The following DZIP3 variants were observed in gnomAD, a reference collection of about 807,000 sequenced individuals.
DZIP3 encodes the protein E3 ubiquitin-protein ligase DZIP3.
A neutral mutation model predicts 162.0 loss-of-function variants in DZIP3; 118 were observed. That is an observed-to-expected ratio of 0.73 (90% CI 0.63 to 0.85). DZIP3 has a LOEUF of 0.85. Ranked by LOEUF, DZIP3 falls within the 40% of genes least tolerant of loss-of-function variation. The pLI, the probability that DZIP3 is intolerant of heterozygous loss-of-function variation, is 0.00. For synonymous variants in DZIP3, 438 were observed against 458.6 expected, an observed-to-expected ratio of 0.96 and a Z score of 0.57; for missense variants, 1,331 against 1,407.0, an observed-to-expected ratio of 0.95 and a Z score of 0.86.
At chr3:108,611,057 T>G (rs186485766) in intron 3 of DZIP3, 117 bp from the exon 4 acceptor site, 1 of 973,952 alleles carries the variant, frequency 1.0e-6, no homozygotes, top group Non-Finnish European at 1.5e-6. Context: ...TCATAGAAGC[T>G]AGGAGAACAA....
chr3:108,631,055 A>ACACACACATACACT lies in DZIP3; in HGVS notation c.696+1880_696+1881insACACACATACACTC. Among the ~76,000 whole-genome samples, 124 of 18,024 alleles carry ACACACACATACACT rather than the reference A, an allele frequency of 6.9e-3. 4 individuals are homozygous for ACACACACATACACT. Among genetic ancestry groups the ACACACACATACACT allele is most frequent in the Middle Eastern group, 0.062 (1 of 16 alleles). 11.8% of individuals were successfully genotyped at this position (18,024 alleles called of 152,430 possible). A position where few individuals can be genotyped will look rare whatever the true frequency, so the allele number is the denominator to read the frequency against. ...CACACACACACACACACACACACAC[A>ACACACACATACACT]CTCTCTCTCTCTCTCTCTCTCTCTC... is the stretch of plus-strand genomic sequence containing the variant. On this transcript the variant is annotated intron_variant, in intron 8 of 32. Transcript: ENST00000361582.
At chr3:108,637,852 C>T (rs1021708781) in intron 12 of DZIP3, among the ~76,000 whole-genome samples, 20 of 152,114 alleles carry the variant, frequency 1.3e-4, no homozygotes, top group Non-Finnish European at 7.4e-5. Flanking sequence ...TTCTATCTTT[C>T]AAAACTTATC....
At position 108,683,627 on chromosome 3, in the gene DZIP3, A is replaced by G. The variant is rs866384918; in HGVS notation, c.2884-589A>G. Among the ~76,000 whole-genome samples, 4 of 152,286 alleles carry G rather than the reference A, an allele frequency of 2.6e-5. No individual in the cohort carries two copies. In the South Asian group the frequency reaches 8.3e-4, roughly 32 times the overall value. The stretch of plus-strand genomic sequence containing the variant: ...CCATAACCCCCTGGGAAGTACGGTA[A>G]TACCCACAAGCATATCTGCAAATCA... On this transcript the variant is annotated intron_variant, in intron 26 of 32. Coordinates refer to ENST00000361582, the MANE Select transcript of DZIP3 (RefSeq NM_014648.4).
intron 2 of DZIP3, 31 bp downstream of exon 2, chr3:108,605,469 C>G (rs749130681): frequency 6.2e-7 from 1 of 1,608,880 alleles, no homozygotes; most frequent in Non-Finnish European, 8.5e-7. Context: ...CTTTTTGGCA[C>G]CATGGACTGG....
chr3:108,605,059 T>A (rs941105595), intron 1 of DZIP3, among the ~76,000 whole-genome samples: 4 of 152,182 alleles, frequency 2.6e-5, no homozygotes, highest in Non-Finnish European at 5.9e-5. Context: ...TAAAATAACA[T>A]GAAAGATTCT....
At chr3:108,641,750 T>G (rs1343549208) in intron 12 of DZIP3, among the ~76,000 whole-genome samples, 1 of 152,170 alleles carries the variant, frequency 6.6e-6, no homozygotes, top group Non-Finnish European at 1.5e-5. Context: ...CAACTAACAG[T>G]GTTATAGTGG....
intron 24 of DZIP3, 120 bp from the exon 25 acceptor site, chr3:108,675,666 G>A (rs1158392121): frequency 6.2e-6 from 4 of 643,786 alleles, no homozygotes; most frequent in Non-Finnish European, 1.0e-5. Context: ...GTAATTGTTG[G>A]TGATGGGGGT....
intron 18 of DZIP3, among the ~76,000 whole-genome samples, chr3:108,652,492 T>G (rs1942909149): frequency 6.6e-6 from 1 of 151,912 alleles, no homozygotes; most frequent in Admixed American, 6.6e-5. Flanking sequence ...TCAGATATGA[T>G]GGTGGTCCCA....
At chr3:108,659,046 C>T (rs1405433610) in intron 19 of DZIP3, among the ~76,000 whole-genome samples, 15 of 152,248 alleles carry the variant, frequency 9.9e-5, no homozygotes, top group African/African-American at 3.6e-4. Flanking sequence ...GATTCACAGC[C>T]GAATTCTACC....
chr3:108,601,828 A>G (rs925307456), intron 1 of DZIP3, among the ~76,000 whole-genome samples: 1 of 152,196 alleles, frequency 6.6e-6, no homozygotes, highest in Admixed American at 6.5e-5. Context: ...AAAAGTATCC[A>G]AGAACTGAAA....
chr3:108,642,590 A>G, intron 13 of DZIP3, 76 bp downstream of exon 13: 1 of 1,355,076 alleles, frequency 7.4e-7, no homozygotes, highest in Non-Finnish European at 9.8e-7. Flanking sequence ...CTTTCATGCC[A>G]TTAACAACCA....
intron 19 of DZIP3, among the ~76,000 whole-genome samples, chr3:108,656,048 T>C (rs1237667416): frequency 2.1e-4 from 32 of 152,324 alleles, no homozygotes. Context: ...TCTCTGCCTC[T>C]GTAGACTCCA....
chr3:108,617,967 G>A (rs1352232229), intron 5 of DZIP3, among the ~76,000 whole-genome samples: 2 of 152,220 alleles, frequency 1.3e-5, no homozygotes, highest in Non-Finnish European at 2.9e-5. Context: ...GTACTTGTGA[G>A]CAGAAGTGGC....
chr3:108,667,444 T>C (rs1184593055), intron 21 of DZIP3, among the ~76,000 whole-genome samples: 1 of 152,050 alleles, frequency 6.6e-6, no homozygotes, highest in African/African-American at 2.4e-5. Context: ...GACAAAATTA[T>C]AAAAATGGAA....
rs1553705360 is a variant in DZIP3 at position 108,631,055 on chromosome 3, A to ATACACTCTCT, written c.696+1879_696+1880insTACACTCTCT. On this transcript the variant is annotated intron_variant, in intron 8 of 32. Transcript: ENST00000361582. Reference sequence around the variant, plus strand: ...CACACACACACACACACACACACACACTCTCTCTCTCTCTCTCTCTCTCTC... The same window carrying ATACACTCTCT: ...CACACACACACACACACACACACACATACACTCTCTCTCTCTCTCTCTCTCTCTCTCTCTC... Among the ~76,000 whole-genome samples the ATACACTCTCT allele has an allele frequency of 4.4e-4, 8 of 18,006 alleles. 1 individual carries two copies. The highest frequency in any genetic ancestry group is 1.7e-3 in the African/African-American group (6 of 3,542). The allele number at this position is 18,006 out of a possible 152,430, so 11.8% of individuals were successfully genotyped here.
intron 17 of DZIP3, among the ~76,000 whole-genome samples, chr3:108,650,273 A>T (rs1488185453): frequency 6.6e-6 from 1 of 151,838 alleles, no homozygotes; most frequent in African/African-American, 2.4e-5. Context: ...AACAACCAAA[A>T]GTCTTTTCAA....
In DZIP3 at chr3:108,688,848, C is replaced by T. The variant is rs1403094030; in HGVS notation, c.3440C>T (p.Pro1147Leu). The stretch of plus-strand genomic sequence containing the variant: ...GATGAGGAAGAGGAAGAAGAAGAGC[C>T]TTGTGTGATCTGTCATGAGAATCTG... Reference protein sequence around the residue: ...NPDEEEEEEEPCVICHENLSP... With the variant: ...NPDEEEEEEELCVICHENLSP... Residue 1147 changes from proline to leucine, a missense_variant, in exon 31 of 33, where the codon CCT becomes CTT. This residue lies in a region of DZIP3 where 53 missense variants were observed against 89.9 expected (regional missense o/e 0.59). Transcript: ENST00000361582. The T allele has an allele frequency of 1.9e-6, 3 of 1,614,126 alleles. No homozygotes were observed. Among genetic ancestry groups the T allele is most frequent in the Non-Finnish European group, 1.7e-6 (2 of 1,180,010 alleles).
Position 108,611,195 on chromosome 3 carries a change from C to T in DZIP3, c.124C>T (p.Pro42Ser). ...GQLNKQENDI[P>S]TDLVPVNLLL... Reference sequence around the variant, plus strand: ...CTAGAACAAACAGGAAAATGACATACCTACTGATCTTGTCCCTGTTAACCT... The same window carrying T: ...CTAGAACAAACAGGAAAATGACATATCTACTGATCTTGTCCCTGTTAACCT... Residue 42 changes from proline (P) to serine (S), a missense_variant, in exon 4 of 33, where the codon CCT (proline) becomes TCT (serine). Around this residue, in one of 2 missense-constraint regions of DZIP3, gnomAD observed 1,278 missense variants for 1,317.1 expected, o/e 0.97. Transcript: ENST00000361582. 1 of 1,595,330 alleles carries T rather than the reference C, an allele frequency of 6.3e-7. No individual in the cohort carries two copies. The highest frequency in any genetic ancestry group is 8.5e-7 in the Non-Finnish European group (1 of 1,175,436).
At chr3:108,656,972 T>C (rs1290413556) in intron 19 of DZIP3, among the ~76,000 whole-genome samples, 19 of 152,140 alleles carry the variant, frequency 1.2e-4, no homozygotes, top group African/African-American at 4.1e-4. Flanking sequence ...CTCCAAGAAA[T>C]ATGGGACTAT....
Sources: gnomAD v4.1 joint callset for allele counts (sites outside exome capture counted in the v4.1 genomes callset) on GRCh38, gnomAD v4.1.1 for gene constraint, gnomAD v4.1.1 regional missense constraint, MANE v1.5 for transcripts, NCBI Gene and HGNC (gene_info 2026-07-23, HGNC 2026-07-21) for gene names.